PSME4: variants seen among roughly 807,000 people sequenced by gnomAD.
PSME4 encodes proteasome activator subunit 4, also known as proteasome activator complex subunit 4.
A neutral mutation model predicts 253.9 loss-of-function variants in PSME4; 89 were observed. The observed-to-expected ratio is 0.35, with a 90% CI of 0.30 to 0.42. The LOEUF is 0.42. Among genes scored for constraint, PSME4 ranks in the 10% least tolerant of loss-of-function variants. PSME4 has a pLI of 1.00. For missense variants in PSME4, 2,014 were observed against 2,195.2 expected (o/e 0.92, Z 1.65); for synonymous variants, 851 against 759.2 (o/e 1.12, Z -1.99).
In PSME4 at chr2:53,908,524, A is replaced by G. The variant is rs1667670452; in HGVS notation, c.2671T>C (p.Phe891Leu). The G allele has an allele frequency of 6.2e-7, 1 of 1,609,592 alleles. No homozygotes were observed. The change falls in exon 23 of 47, where the codon TTT becomes CTT. Residue 891 changes from phenylalanine to leucine, a missense_variant. Phe to Leu is a conservative substitution (Grantham distance 22). Transcript: ENST00000404125. ...GACAAATGTACCTTTATAATAAGAA[A>G]CAATGACTTAGTATCATCTTCTGAA... ...DNSEDDTKSLFLIIKIIGDLL... is the reference protein window; with the variant it reads ...DNSEDDTKSLLLIIKIIGDLL...
At chr2:53,916,094 A>T (rs1445027785) in intron 20 of PSME4, among the ~76,000 whole-genome samples, 1 of 151,986 alleles carries the variant, frequency 6.6e-6, no homozygotes, top group East Asian at 1.9e-4. Context: ...TTAAAATACA[A>T]AAATTAGCTG....
chr2:53,910,151 T>C, intron 20 of PSME4, 21 bp from the exon 21 acceptor site: 1 of 1,584,760 alleles, frequency 6.3e-7, no homozygotes, highest in East Asian at 2.2e-5. Flanking sequence ...ACAAGAGTGC[T>C]TGCATTTATT....
At position 53,876,713 on chromosome 2, in the gene PSME4, A is replaced by ACTTTTTT. The variant is rs1553403916; in HGVS notation, c.4816-959_4816-958insAAAAAAG. 3.9e-5 allele frequency among the ~76,000 whole-genome samples: 3 copies of ACTTTTTT among 77,228 alleles called. No homozygotes were observed. In the East Asian group the frequency reaches 2.5e-3, roughly 64 times the overall value. 50.7% of individuals were successfully genotyped at this position (77,228 alleles called of 152,430 possible). On this transcript the variant is annotated intron_variant, in intron 41 of 46. Coordinates refer to ENST00000404125, the MANE Select transcript of PSME4 (RefSeq NM_014614.3). ...AAATCTGATGGCTGTAGCCACTGTC[A>ACTTTTTT]TTCTTTTTTTTTTTTTTTTTTTTGA...
intron 1 of PSME4, among the ~76,000 whole-genome samples, chr2:53,958,128 G>T (rs1670317004): frequency 6.7e-6 from 1 of 149,552 alleles, no homozygotes. Flanking sequence ...AGAGGTTGCA[G>T]TGAGGCAAGA....
chr2:53,952,695 G>A (rs987917394), intron 1 of PSME4, among the ~76,000 whole-genome samples: 1 of 152,200 alleles, frequency 6.6e-6, no homozygotes, highest in Admixed American at 6.5e-5. Flanking sequence ...CTCATAAGGA[G>A]TACACAACCT....
chr2:53,927,741 G>T (rs1668627864), intron 11 of PSME4, among the ~76,000 whole-genome samples: 1 of 152,122 alleles, frequency 6.6e-6, no homozygotes, highest in Non-Finnish European at 1.5e-5. Flanking sequence ...AAGGCCAGGA[G>T]TTCGAGACCA....
intron 26 of PSME4, 25 bp downstream of exon 26, chr2:53,906,573 A>T: frequency 6.6e-7 from 1 of 1,512,906 alleles, no homozygotes; most frequent in East Asian, 2.3e-5. Flanking sequence ...AGGGCATGAG[A>T]GTGCAGCGTT....
chr2:53,876,259 C>G (rs979534498), intron 41 of PSME4, among the ~76,000 whole-genome samples: 2 of 152,026 alleles, frequency 1.3e-5, no homozygotes, highest in African/African-American at 4.8e-5. Context: ...TGCATATATT[C>G]CCCCCCGCAA....
intron 41 of PSME4, among the ~76,000 whole-genome samples, chr2:53,884,133 T>C (rs1294800677): frequency 6.6e-6 from 1 of 152,164 alleles, no homozygotes; most frequent in Admixed American, 6.5e-5. Flanking sequence ...GATGGTCTAG[T>C]ATTAGTATAT....
At chr2:53,941,445 C>T (rs1238184342) in intron 3 of PSME4, among the ~76,000 whole-genome samples, 2 of 151,346 alleles carry the variant, frequency 1.3e-5, no homozygotes, top group African/African-American at 2.4e-5. Flanking sequence ...TAAAAAAAAA[C>T]AGGGCAAACT....
intron 1 of PSME4, among the ~76,000 whole-genome samples, chr2:53,966,610 T>C (rs1205763599): frequency 1.3e-5 from 2 of 151,170 alleles, no homozygotes; most frequent in Non-Finnish European, 2.9e-5. Context: ...CAGATACACC[T>C]CACGTACAGA....
intron 3 of PSME4, among the ~76,000 whole-genome samples, chr2:53,947,770 C>G (rs959553252): frequency 6.6e-6 from 1 of 151,746 alleles, no homozygotes; most frequent in African/African-American, 2.4e-5. Flanking sequence ...AATCCCAGGA[C>G]TTTGGGAGGC....
intron 38 of PSME4, 52 bp downstream of exon 38, chr2:53,888,669 G>C: frequency 7.8e-7 from 1 of 1,285,494 alleles, no homozygotes; most frequent in Non-Finnish European, 1.1e-6. Flanking sequence ...TTATACATAA[G>C]TTAACACAAA....
chr2:53,949,308 C>T (rs1039913022), intron 1 of PSME4, 25 bp from the exon 2 acceptor site: 1 of 1,457,058 alleles, frequency 6.9e-7, no homozygotes, highest in African/African-American at 1.4e-5. Context: ...TAGATATACC[C>T]TTTAAAAATA....
chr2:53,907,212 T>C (rs1680701751), intron 24 of PSME4, among the ~76,000 whole-genome samples: 1 of 152,178 alleles, frequency 6.6e-6, no homozygotes. Flanking sequence ...TGCTCAACTC[T>C]CTTAAATCTA....
intron 31 of PSME4, among the ~76,000 whole-genome samples, 160 bp from the exon 32 acceptor site, chr2:53,897,045 G>GA (rs1312821678): frequency 3.3e-5 from 5 of 152,130 alleles, no homozygotes; most frequent in Non-Finnish European, 5.9e-5. Flanking sequence ...ATCTGACTTA[G>GA]AATGAATCAT....
At chr2:53,966,366 G>A (rs905745424) in intron 1 of PSME4, among the ~76,000 whole-genome samples, 1 of 152,106 alleles carries the variant, frequency 6.6e-6, no homozygotes, top group African/African-American at 2.4e-5. Context: ...AATCTTGCCA[G>A]GATAATAATG....
At chr2:53,868,531 A>T (rs28694200) in intron 44 of PSME4, among the ~76,000 whole-genome samples, 26 of 55,452 alleles carry the variant, frequency 4.7e-4, no homozygotes, top group Admixed American at 1.1e-3. Context: ...TAATATATAT[A>T]ATATATATTA....
intron 20 of PSME4, chr2:53,917,395 A>G (rs805326): frequency 0.23 from 34,788 of 152,080 alleles, 4,402 homozygotes; most frequent in South Asian, 0.32. Context: ...AATTGGCTTT[A>G]TAATAATCAA....
Sources: gnomAD v4.1 joint callset for allele counts (sites outside exome capture counted in the v4.1 genomes callset) on GRCh38, gnomAD v4.1.1 for gene constraint, MANE v1.5 for transcripts, NCBI Gene and HGNC (gene_info 2026-07-23, HGNC 2026-07-21) for gene names.